The following BAG4 variants were observed in gnomAD, a reference collection of about 807,000 sequenced individuals.
The protein encoded by BAG4 is BAG family molecular chaperone regulator 4.
BAG4 carries 28 observed loss-of-function variants against 52.1 expected under a neutral mutation model. The ratio of observed to expected loss-of-function variants is 0.54; its 90% CI spans 0.40 to 0.74. The LOEUF (loss-of-function observed/expected upper bound fraction) is 0.74, where lower values mean the gene tolerates loss of function less well. Among genes scored for constraint, BAG4 ranks in the 30% least tolerant of loss-of-function variants. The pLI, the probability that BAG4 is intolerant of heterozygous loss-of-function variation, is 0.00. For synonymous variants in BAG4, 208 were observed against 217.0 expected (o/e 0.96, Z 0.37); for missense variants, 525 against 572.0 (o/e 0.92, Z 0.84).
intron 1 of BAG4, among the ~76,000 whole-genome samples, chr8:38,181,108 T>C (rs1803259460): frequency 6.6e-6 from 1 of 150,670 alleles, no homozygotes; most frequent in African/African-American, 2.4e-5. Flanking sequence ...GCCCGGCCAA[T>C]TTTTTTGTAT....
At chr8:38,194,858 T>TG (rs1220638874) in intron 2 of BAG4, among the ~76,000 whole-genome samples, 47 of 148,790 alleles carry the variant, frequency 3.2e-4, no homozygotes, top group African/African-American at 1.1e-3. Context: ...TTTTTTTTTT[T>TG]TTTTGTTTTT....
intron 2 of BAG4, among the ~76,000 whole-genome samples, chr8:38,196,514 G>A (rs972513985): frequency 6.6e-6 from 1 of 152,022 alleles, no homozygotes; most frequent in Non-Finnish European, 1.5e-5. Context: ...TTAGCCGGGC[G>A]TGGTGGCGGG....
At chr8:38,177,851 G>A (rs1284561364) in intron 1 of BAG4, among the ~76,000 whole-genome samples, 5 of 152,036 alleles carry the variant, frequency 3.3e-5, no homozygotes. Flanking sequence ...TGTTAATACA[G>A]TCTTCTGGGT....
intron 2 of BAG4, among the ~76,000 whole-genome samples, chr8:38,204,698 T>G (rs1176015202): frequency 7.1e-6 from 1 of 140,754 alleles, no homozygotes; most frequent in Non-Finnish European, 1.6e-5. Flanking sequence ...AGAAAAAAAA[T>G]AAACAACAAA....
rs1229930700 is a variant in BAG4, at chr8:38,209,045, T to C, written c.666T>C (p.Tyr222=). The C allele has an allele frequency of 1.2e-6, 2 of 1,614,112 alleles. No individual in the cohort carries two copies. Among genetic ancestry groups the C allele is most frequent in the Admixed American group, 1.7e-5 (1 of 60,018 alleles). Residue 222 remains tyrosine (Y), a synonymous_variant, in exon 4 of 5, where the codon TAT becomes TAC. Transcript: ENST00000287322. ...GAATGACCCTGCCCCATTATCCTTA[T>C]GGAGATGGTAATCGTAGTGTTCCAC... ...NPGMTLPHYP[Y]GDGNRSVPQS...
At chr8:38,197,597 T>C (rs1268446939) in intron 2 of BAG4, among the ~76,000 whole-genome samples, 3 of 152,250 alleles carry the variant, frequency 2.0e-5, no homozygotes, top group Non-Finnish European at 2.9e-5. Flanking sequence ...CTGTGCACTA[T>C]TGTAGGCTTT....
intron 1 of BAG4, among the ~76,000 whole-genome samples, chr8:38,181,462 T>C (rs1585650216): frequency 1.3e-5 from 2 of 151,494 alleles, no homozygotes; most frequent in African/African-American, 2.4e-5. Context: ...TTAGGCTGGG[T>C]GCGGTGTCTC....
chr8:38,191,708 C>T (rs960723872), intron 1 of BAG4, among the ~76,000 whole-genome samples: 4 of 144,006 alleles, frequency 2.8e-5, no homozygotes, highest in African/African-American at 1.0e-4. Context: ...TGCAGTGAGC[C>T]GAGATCGTGC....
chr8:38,208,264 C>G (rs1264013984), intron 3 of BAG4, among the ~76,000 whole-genome samples: 1 of 148,940 alleles, frequency 6.7e-6, no homozygotes, highest in African/African-American at 2.5e-5. Flanking sequence ...CATGAGCCAC[C>G]GTGCCAGGCA....
chr8:38,188,374 A>C (rs1803403918), intron 1 of BAG4, among the ~76,000 whole-genome samples: 1 of 151,752 alleles, frequency 6.6e-6, no homozygotes, highest in Non-Finnish European at 1.5e-5. Flanking sequence ...TAAAGATACA[A>C]ATAGTTTGAA....
chr8:38,180,086 G>A (rs1482891785), intron 1 of BAG4, among the ~76,000 whole-genome samples: 1 of 152,200 alleles, frequency 6.6e-6, no homozygotes, highest in East Asian at 1.9e-4. Context: ...TGGTGCTGAA[G>A]TAGTTGGAGA....
chr8:38,184,105 G>A (rs1241255187), intron 1 of BAG4, among the ~76,000 whole-genome samples: 2 of 152,174 alleles, frequency 1.3e-5, no homozygotes, highest in African/African-American at 2.4e-5. Context: ...ATAGTAAGTG[G>A]AGGAAGCAGC....
At chr8:38,198,414 T>C (rs1304983373) in intron 2 of BAG4, among the ~76,000 whole-genome samples, 1 of 150,842 alleles carries the variant, frequency 6.6e-6, no homozygotes, top group East Asian at 1.9e-4. Flanking sequence ...TTCTTTCTTT[T>C]TTTTTTTAAT....
chr8:38,205,310 A>G (rs756362487), intron 2 of BAG4, among the ~76,000 whole-genome samples: 11 of 132,982 alleles, frequency 8.3e-5, no homozygotes, highest in Admixed American at 1.9e-4. Context: ...TTGGCTTCCC[A>G]AAACGCTGGG....
At chr8:38,202,534 G>C (rs1487079219) in intron 2 of BAG4, among the ~76,000 whole-genome samples, 1 of 149,182 alleles carries the variant, frequency 6.7e-6, no homozygotes, top group Non-Finnish European at 1.5e-5. Flanking sequence ...TAGGATTACA[G>C]GCATGAGCCA....
At chr8:38,182,731 T>C (rs917971557) in intron 1 of BAG4, among the ~76,000 whole-genome samples, 1 of 152,186 alleles carries the variant, frequency 6.6e-6, no homozygotes, top group Non-Finnish European at 1.5e-5. Context: ...ATTAGTGTCA[T>C]GTTGGGAGGG....
At chr8:38,193,112 T>C (rs1474750102) in intron 2 of BAG4, among the ~76,000 whole-genome samples, 1 of 152,116 alleles carries the variant, frequency 6.6e-6, no homozygotes, top group Non-Finnish European at 1.5e-5. Context: ...ACAGAAAATA[T>C]ATACATTTTA....
chr8:38,203,325 C>T (rs563368643), intron 2 of BAG4, among the ~76,000 whole-genome samples: 1 of 149,342 alleles, frequency 6.7e-6, no homozygotes, highest in African/African-American at 2.5e-5. Context: ...CTCTGTCGCC[C>T]AGGCTGGAGT....
In BAG4 at chr8:38,212,404, A is replaced by G. The variant is rs761691088; in HGVS notation, c.*1911A>G. The G allele has an allele frequency of 6.6e-6, 1 of 152,188 alleles. No individual in the cohort carries two copies. Among genetic ancestry groups the G allele is most frequent in the African/African-American group, 2.4e-5 (1 of 41,452 alleles). 9.4% of individuals were successfully genotyped at this position (152,188 alleles called of 1,614,324 possible). ...TTTGAGATAATTTTAGACTTACAGA[A>G]GAGTTGTAAAAGTAGTAGAGTTCTT... On this transcript the variant is annotated 3_prime_UTR_variant, in exon 5 of 5. Coordinates refer to ENST00000287322, the MANE Select transcript of BAG4 (RefSeq NM_004874.4).
Sources: allele counts gnomAD v4.1 joint callset (sites outside exome capture counted in the v4.1 genomes callset), GRCh38; gene constraint gnomAD v4.1.1; transcripts MANE v1.5; gene names NCBI Gene and HGNC (gene_info 2026-07-23, HGNC 2026-07-21).